The following F10 variants were observed in gnomAD, a reference collection of about 807,000 sequenced individuals.
F10 encodes the protein Stuart-Prower factor.
A neutral mutation model predicts 37.1 loss-of-function variants in F10; 29 were observed. That is an observed-to-expected ratio of 0.78 (90% CI 0.58 to 1.07). The LOEUF is 1.07. F10 is among the 50% of genes least tolerant of loss of function. The pLI is 0.00. For missense variants in F10, 539 were observed against 667.9 expected (o/e 0.81, Z 2.13); for synonymous variants, 262 against 268.6 (o/e 0.98, Z 0.24).
rs921850820 is a variant in F10 at position 113,134,492 on chromosome 13, A to T, written c.232-3965A>T. The stretch of plus-strand genomic sequence containing the variant: ...AGCCGAGCAAAAGGGGAATCCTCTT[A>T]AAAAAAATCAGATCTCATGAGAACA... On this transcript the variant is annotated intron_variant, in intron 2 of 7. Coordinates refer to ENST00000375559, the MANE Select transcript of F10 (RefSeq NM_000504.4). 3.3e-4 allele frequency among the ~76,000 whole-genome samples: 50 copies of T among 152,052 alleles called. 1 individual carries two copies. Among genetic ancestry groups the T allele is most frequent in the African/African-American group, 2.4e-4 (10 of 41,392 alleles).
intron 1 of F10, among the ~76,000 whole-genome samples, chr13:113,125,100 T>G (rs2036358297): frequency 6.6e-6 from 1 of 152,254 alleles, no homozygotes. Flanking sequence ...TATTTCCAAT[T>G]AAGGTCAGGT....
chr13:113,126,692 C>T (rs558593842), intron 1 of F10, among the ~76,000 whole-genome samples: 14 of 152,260 alleles, frequency 9.2e-5, no homozygotes, highest in South Asian at 4.1e-4. Context: ...CATGGAGGTG[C>T]GTCAGAACAC....
chr13:113,148,793 T>G (rs1163305431), intron 7 of F10, 123 bp from the exon 8 acceptor site: 53 of 1,488,096 alleles, frequency 3.6e-5, no homozygotes, highest in Non-Finnish European at 4.5e-5. Context: ...TTTTTCAAAT[T>G]TTCAAAAGTG....
chr13:113,130,898 A>C (rs140266086), intron 2 of F10: 3 of 152,380 alleles, frequency 2.0e-5, no homozygotes, highest in Non-Finnish European at 4.4e-5. Context: ...AAATCTAGGA[A>C]ACACCAAGAA....
At chr13:113,129,397 G>C in intron 1 of F10, 55 bp from the exon 2 acceptor site, 1 of 1,602,380 alleles carries the variant, frequency 6.2e-7, no homozygotes, top group East Asian at 2.2e-5. Flanking sequence ...ATAGGTGAGG[G>C]GGAGCCTGGG....
At position 113,139,340 on chromosome 13, in the gene F10, A is replaced by T; in HGVS notation, c.257-17A>T. On this transcript the variant is annotated splice_polypyrimidine_tract_variant and intron_variant, in intron 3 of 7. Coordinates refer to ENST00000375559, the MANE Select transcript of F10 (RefSeq NM_000504.4). The surrounding 1 kb of genome is among the most constrained non-coding windows in gnomAD (Gnocchi z 5.2). ...AAACAGCTTGCAGACTCCAGTTTCG[A>T]AATCCTCTCTTTGCAGATGGCGACC... 1 of 1,611,054 alleles carries T rather than the reference A, an allele frequency of 6.2e-7. No homozygotes were observed. The highest frequency in any genetic ancestry group is 8.5e-7 in the Non-Finnish European group (1 of 1,177,374).
At chr13:113,129,399 G>A in intron 1 of F10, 53 bp from the exon 2 acceptor site, 10 of 1,610,606 alleles carry the variant, frequency 6.2e-6, no homozygotes, top group South Asian at 2.2e-5. Flanking sequence ...AGGTGAGGGG[G>A]AGCCTGGGTG....
intron 2 of F10, among the ~76,000 whole-genome samples, chr13:113,136,567 C>T (rs1430799511): frequency 6.6e-6 from 1 of 151,262 alleles, no homozygotes; most frequent in Non-Finnish European, 1.5e-5. Flanking sequence ...AAGTGATTCT[C>T]CTGCCTCAGC....
At chr13:113,132,821 T>C (rs1328976281) in intron 2 of F10, among the ~76,000 whole-genome samples, 1 of 152,194 alleles carries the variant, frequency 6.6e-6, no homozygotes, top group Non-Finnish European at 1.5e-5. Context: ...ATATGGAAAA[T>C]TCCTCAAGGT....
In F10 at chr13:113,149,457, G is replaced by T; in HGVS notation, c.1407G>T (p.Arg469Ser). ...GGATCGACAGGTCCATGAAAACCAG[G>T]GGCTTGCCCAAGGCCAAGAGCCATG... ...LKWIDRSMKTRGLPKAKSHAP... is the reference protein window; with the variant it reads ...LKWIDRSMKTSGLPKAKSHAP... Residue 469 changes from arginine to serine, a missense_variant, in exon 8 of 8, where the codon AGG (arginine) becomes AGT (serine). Arg to Ser is a moderately radical substitution (Grantham distance 110). Transcript: ENST00000375559. The surrounding 1 kb of genome is among the most constrained non-coding windows in gnomAD (Gnocchi z 7.5). 6.2e-7 allele frequency: 1 copy of T among 1,613,376 alleles called. No individual in the cohort carries two copies. The highest frequency in any genetic ancestry group is 1.7e-5 in the Admixed American group (1 of 60,024).
At chr13:113,124,808 T>C (rs955088923) in intron 1 of F10, among the ~76,000 whole-genome samples, 3 of 152,236 alleles carry the variant, frequency 2.0e-5, no homozygotes, top group African/African-American at 7.2e-5. Flanking sequence ...CCCACAGCTC[T>C]GGAGGCTGGA....
Position 113,149,266 on chromosome 13 carries a change from G to C in F10, c.1216G>C (p.Gly406Arg), listed in dbSNP as rs376163818. 1 of 1,613,108 alleles carries C rather than the reference G, an allele frequency of 6.2e-7. No homozygotes were observed. Among genetic ancestry groups the C allele is most frequent in the African/African-American group, 1.3e-5 (1 of 74,934 alleles). Residue 406 changes from glycine (G) to arginine (R), a missense_variant, in exon 8 of 8, where the codon GGC becomes CGC. Physicochemically the swap from Gly to Arg is moderately radical, Grantham distance 125 (BLOSUM62 -2). Transcript: ENST00000375559. This position sits in a 1 kb window ranked among gnomAD's most constrained non-coding sequence, Gnocchi z 7.5. The part of the protein sequence containing the change: ...FIITQNMFCA[G>R]YDTKQEDACQ... ...CATCACCCAGAACATGTTCTGTGCC[G>C]GCTACGACACCAAGCAGGAGGATGC...
intron 2 of F10, chr13:113,130,473 A>C (rs1279732007): frequency 6.6e-6 from 1 of 152,430 alleles, no homozygotes; most frequent in Non-Finnish European, 1.5e-5. Flanking sequence ...CGAACTGACA[A>C]GAATGAGCTG....
Position 113,143,861 on chromosome 13 carries a change from C to T in F10, c.513C>T (p.Pro171=). 2 of 1,612,762 alleles carry T rather than the reference C, an allele frequency of 1.2e-6. No homozygotes were observed. Among genetic ancestry groups the T allele is most frequent in the Non-Finnish European group, 1.7e-6 (2 of 1,180,012 alleles). Residue 171 remains proline (P), a synonymous_variant, in exon 6 of 8, where the codon CCC becomes CCT. Transcript: ENST00000375559. The surrounding 1 kb of genome is among the most constrained non-coding windows in gnomAD (Gnocchi z 6.8). ...GKACIPTGPY[P]CGKQTLERRK... ...TCCTCTTTCTTTCAGGGCCCTACCCCTGTGGGAAACAGACCCTGGAACGCA... is the reference window on the plus strand; with the variant it reads ...TCCTCTTTCTTTCAGGGCCCTACCCTTGTGGGAAACAGACCCTGGAACGCA...
intron 1 of F10, among the ~76,000 whole-genome samples, chr13:113,123,671 G>A (rs2036342475): frequency 2.0e-5 from 3 of 152,312 alleles, no homozygotes; most frequent in Admixed American, 1.3e-4. Flanking sequence ...GAGAGACGGA[G>A]CAGGGGGAGA....
chr13:113,141,176 G>A lies in F10; in HGVS notation c.502+126G>A, dbSNP rs2036524719. The A allele has an allele frequency of 3.6e-6, 5 of 1,388,180 alleles. No individual in the cohort carries two copies. The highest frequency in any genetic ancestry group is 4.9e-6 in the Non-Finnish European group (5 of 1,011,108). The allele number at this position is 1,388,180 out of a possible 1,614,324, so 86.0% of individuals were successfully genotyped here. A position where few individuals can be genotyped will look rare whatever the true frequency, so the allele number is the denominator to read the frequency against. ...GCCTGGCAGGTAACAGTGACACCAAGAGGACAGGACTGAGCCCTGGGCTCC... is the reference window on the plus strand; with the variant it reads ...GCCTGGCAGGTAACAGTGACACCAAAAGGACAGGACTGAGCCCTGGGCTCC... On this transcript the variant is annotated intron_variant, in intron 5 of 7. Transcript: ENST00000375559. The surrounding 1 kb of genome is among the most constrained non-coding windows in gnomAD (Gnocchi z 5.4).
intron 2 of F10, among the ~76,000 whole-genome samples, chr13:113,134,084 A>G (rs1366401560): frequency 6.6e-6 from 1 of 152,228 alleles, no homozygotes; most frequent in Non-Finnish European, 1.5e-5. Context: ...CTTAAAGGTG[A>G]AAACTGAAGG....
chr13:113,132,693 T>C (rs1427793327), intron 2 of F10, among the ~76,000 whole-genome samples: 1 of 152,244 alleles, frequency 6.6e-6, no homozygotes, highest in Non-Finnish European at 1.5e-5. Context: ...ATGTATGATA[T>C]GATACAACTG....
At chr13:113,142,913 CAA>C (rs1230204141) in intron 5 of F10, among the ~76,000 whole-genome samples, 1 of 149,548 alleles carries the variant, frequency 6.7e-6, no homozygotes, top group African/African-American at 2.5e-5. Context: ...GCCTGGGAGA[CAA>C]GAGAGAAACT....
Sources: allele counts gnomAD v4.1 joint callset (sites outside exome capture counted in the v4.1 genomes callset), GRCh38; gene constraint gnomAD v4.1.1; non-coding constraint Gnocchi (gnomAD v3.1); transcripts MANE v1.5; gene names NCBI Gene and HGNC (gene_info 2026-07-23, HGNC 2026-07-21).